FLVCR2: variants seen among roughly 807,000 people sequenced by gnomAD.
The protein encoded by FLVCR2 is choline/ethanolamine transporter FLVCR2.
A neutral mutation model predicts 48.9 loss-of-function variants in FLVCR2; 38 were observed. That is an observed-to-expected ratio of 0.78 (90% CI 0.60 to 1.02). The LOEUF is 1.02. Among genes scored for constraint, FLVCR2 ranks in the 50% least tolerant of loss-of-function variants. The probability of loss-of-function intolerance (pLI) is 0.00; values close to 1 mark genes in which losing one functional copy is unlikely to be tolerated. For missense variants in FLVCR2, 664 were observed against 663.3 expected (o/e 1.00, Z -0.01); for synonymous variants, 255 against 257.0 (o/e 0.99, Z 0.07).
At chr14:75,593,482 G>T (rs1209424217) in intron 1 of FLVCR2, among the ~76,000 whole-genome samples, 1 of 152,146 alleles carries the variant, frequency 6.6e-6, no homozygotes, top group East Asian at 1.9e-4. Context: ...GGATCTCTTG[G>T]CTTTAAAACA....
rs1456390268 is a variant in FLVCR2 at position 75,639,333 on chromosome 14, T to C, written c.1125-19T>C. On this transcript the variant is annotated intron_variant, in intron 5 of 9. Coordinates refer to ENST00000238667, the MANE Select transcript of FLVCR2 (RefSeq NM_017791.3). ...AAAGTCAGAAGTGTTTGATTCAATTTCTTTGCCTCTACTTGTAGAGAGACA... is the reference window on the plus strand; with the variant it reads ...AAAGTCAGAAGTGTTTGATTCAATTCCTTTGCCTCTACTTGTAGAGAGACA... 6 of 1,499,796 alleles carry C rather than the reference T, an allele frequency of 4.0e-6. No homozygotes were observed. The highest frequency in any genetic ancestry group is 5.6e-6 in the Non-Finnish European group (6 of 1,076,114). The allele number at this position is 1,499,796 out of a possible 1,614,324, so 92.9% of individuals were successfully genotyped here. A position where few individuals can be genotyped will look rare whatever the true frequency, so the allele number is the denominator to read the frequency against.
chr14:75,615,704 G>A (rs189839041), intron 1 of FLVCR2, among the ~76,000 whole-genome samples: 1 of 152,120 alleles, frequency 6.6e-6, no homozygotes, highest in Admixed American at 6.5e-5. Flanking sequence ...GCAGAAAGGA[G>A]AAGTGGGAGA....
At chr14:75,615,582 G>C (rs1460069301) in intron 1 of FLVCR2, among the ~76,000 whole-genome samples, 2 of 152,064 alleles carry the variant, frequency 1.3e-5, no homozygotes, top group Non-Finnish European at 2.9e-5. Context: ...CAATTAACTT[G>C]CCAAGCTCTA....
At chr14:75,609,075 T>C (rs1889370626) in intron 1 of FLVCR2, among the ~76,000 whole-genome samples, 1 of 152,190 alleles carries the variant, frequency 6.6e-6, no homozygotes. Flanking sequence ...TCATGTGTTT[T>C]TTTTTTAGAC....
chr14:75,585,749 C>T (rs925923449), intron 1 of FLVCR2, among the ~76,000 whole-genome samples: 3 of 152,200 alleles, frequency 2.0e-5, no homozygotes, highest in Non-Finnish European at 4.4e-5. Context: ...GGAAGGCTGC[C>T]TTCCCGAGTC....
rs191020810 is a variant in FLVCR2, at chr14:75,604,236, G to A, written c.670-17843G>A. ...TTGATCTCGGAAGCTAAGCAGGGTC[G>A]GGCCTGGTTAGTACTTGGATGGGAG... is the stretch of plus-strand genomic sequence containing the variant. On this transcript the variant is annotated intron_variant, in intron 1 of 9. Transcript: ENST00000238667. The A allele has an allele frequency of 1.2e-4, 19 of 152,298 alleles. No homozygotes were observed. The East Asian group carries it at 3.5e-3, about 28-fold the overall frequency. 9.4% of individuals were successfully genotyped at this position (152,298 alleles called of 1,614,324 possible).
chr14:75,632,245 C>A (rs1890061907), intron 3 of FLVCR2, among the ~76,000 whole-genome samples: 1 of 152,198 alleles, frequency 6.6e-6, no homozygotes, highest in African/African-American at 2.4e-5. Flanking sequence ...TCCCATTTTG[C>A]AAGATAATTT....
intron 1 of FLVCR2, among the ~76,000 whole-genome samples, chr14:75,618,243 A>G (rs1889666243): frequency 6.6e-6 from 1 of 152,214 alleles, no homozygotes; most frequent in Non-Finnish European, 1.5e-5. Flanking sequence ...TTCAGAGGCC[A>G]GTATCTCCCC....
intron 3 of FLVCR2, chr14:75,632,762 T>A: frequency 1.4e-6 from 1 of 702,314 alleles, no homozygotes; most frequent in Middle Eastern, 2.3e-4. Context: ...AGACCCCCGG[T>A]GGGCATTATG....
chr14:75,634,880 G>T (rs1025407814), intron 4 of FLVCR2, 30 bp from the exon 5 acceptor site: 9 of 1,496,280 alleles, frequency 6.0e-6, no homozygotes, highest in Admixed American at 1.7e-5. Flanking sequence ...TCCCATCGCC[G>T]GGTGATCTTT....
intron 1 of FLVCR2, among the ~76,000 whole-genome samples, chr14:75,583,662 TG>T (rs1457369133): frequency 1.3e-5 from 2 of 152,084 alleles, no homozygotes; most frequent in African/African-American, 4.8e-5. Flanking sequence ...ATAAGGGAAC[TG>T]GGCAGGTGGG....
rs199985828 is a variant in FLVCR2 at position 75,579,424 on chromosome 14, G to A, written c.452G>A (p.Arg151His). 1.2e-6 allele frequency: 2 copies of A among 1,613,946 alleles called. No individual in the cohort carries two copies. Among genetic ancestry groups the A allele is most frequent in the African/African-American group, 1.3e-5 (1 of 75,030 alleles). The change falls in exon 1 of 10, where the codon CGC becomes CAC. Residue 151 changes from arginine to histidine, a missense_variant. Arg to His is a conservative substitution (Grantham distance 29, BLOSUM62 0). Coordinates refer to ENST00000238667, the MANE Select transcript of FLVCR2 (RefSeq NM_017791.3). ...VAWLLEKFGLRTIALTGSALN... is the reference protein window; with the variant it reads ...VAWLLEKFGLHTIALTGSALN... Reference sequence around the variant, plus strand: ...TGGCTGCTGGAGAAGTTCGGCCTGCGCACCATTGCTCTCACTGGCTCGGCT... The same window carrying A: ...TGGCTGCTGGAGAAGTTCGGCCTGCACACCATTGCTCTCACTGGCTCGGCT...
rs747909425 is a variant in FLVCR2 at position 75,622,055 on chromosome 14, T to C, written c.670-24T>C. On this transcript the variant is annotated intron_variant, in intron 1 of 9. Transcript: ENST00000238667. ...ACCTCTTGGCCATTGGTAACTGTGA[T>C]TGGGTTGTCTCTGTCTTCTATAGCT... The C allele has an allele frequency of 4.3e-6, 7 of 1,613,812 alleles. No individual in the cohort carries two copies. The East Asian group carries it at 1.3e-4, about 31-fold the overall frequency.
intron 1 of FLVCR2, among the ~76,000 whole-genome samples, chr14:75,580,834 T>C (rs1888580286): frequency 6.6e-6 from 1 of 152,214 alleles, no homozygotes; most frequent in Non-Finnish European, 1.5e-5. Flanking sequence ...TTCACTTTTT[T>C]TGTGGATCTT....
At chr14:75,627,588 C>T (rs556080281) in intron 3 of FLVCR2, among the ~76,000 whole-genome samples, 1 of 152,328 alleles carries the variant, frequency 6.6e-6, no homozygotes, top group African/African-American at 2.4e-5. Context: ...TGGAGCTCCA[C>T]CCCTGAGAAT....
At chr14:75,608,543 T>C (rs1411723844) in intron 1 of FLVCR2, among the ~76,000 whole-genome samples, 1 of 152,126 alleles carries the variant, frequency 6.6e-6, no homozygotes, top group East Asian at 1.9e-4. Flanking sequence ...CCTCAGGACA[T>C]AGGCCTGGGA....
At chr14:75,613,377 C>T (rs115689300) in intron 1 of FLVCR2, among the ~76,000 whole-genome samples, 3,065 of 151,900 alleles carry the variant, frequency 0.02, 109 homozygotes, top group African/African-American at 0.071. Context: ...GAAGATGCCA[C>T]ACAGGTTTAA....
At chr14:75,602,159 C>T (rs765431030) in intron 1 of FLVCR2, among the ~76,000 whole-genome samples, 12 of 152,246 alleles carry the variant, frequency 7.9e-5, no homozygotes, top group Non-Finnish European at 1.3e-4. Context: ...TGGATGTGCT[C>T]ACCAACCAGA....
chr14:75,579,406 TGGA>T lies in FLVCR2; in HGVS notation c.436_438del (p.Glu146del). 1 of 1,614,140 alleles carries T rather than the reference TGGA, an allele frequency of 6.2e-7. No individual in the cohort carries two copies. The highest frequency in any genetic ancestry group is 1.1e-5 in the South Asian group (1 of 91,088). On this transcript the variant is annotated inframe_deletion, in exon 1 of 10. Transcript: ENST00000238667. The stretch of plus-strand genomic sequence containing the variant: ...CTGCTCCTGCCAGTGGCTTGGCTGC[TGGA>T]GAAGTTCGGCCTGCGCACCATTGCT...
Sources: gnomAD v4.1 joint callset for allele counts (sites outside exome capture counted in the v4.1 genomes callset) on GRCh38, gnomAD v4.1.1 for gene constraint, MANE v1.5 for transcripts, NCBI Gene and HGNC (gene_info 2026-07-23, HGNC 2026-07-21) for gene names.